Variants in ZFYVE16 observed in about 807,000 individuals in gnomAD.
ZFYVE16 encodes zinc finger FYVE-type containing 16, also known as zinc finger FYVE domain-containing protein 16.
In ZFYVE16, 89 loss-of-function variants were observed where a neutral mutation model predicts 138.1. The observed-to-expected ratio is 0.64, with a 90% CI of 0.54 to 0.77. ZFYVE16 has a LOEUF of 0.77. ZFYVE16 is among the 30% of genes least tolerant of loss of function. The probability of loss-of-function intolerance (pLI) is 0.00; values close to 1 mark genes in which losing one functional copy is unlikely to be tolerated. For synonymous variants in ZFYVE16, 596 were observed against 618.3 expected (o/e 0.96, Z 0.53); for missense variants, 1,793 against 1,786.7 (o/e 1.00, Z -0.06).
chr5:80,426,406 C>T (rs918785184), intron 1 of ZFYVE16, among the ~76,000 whole-genome samples: 38 of 151,826 alleles, frequency 2.5e-4, no homozygotes, highest in African/African-American at 9.0e-4. Flanking sequence ...AGATATTAAG[C>T]CCCACATGCA....
At chr5:80,456,027 G>A (rs1390493345) in intron 12 of ZFYVE16, 1 of 409,378 alleles carries the variant, frequency 2.4e-6, no homozygotes, top group Non-Finnish European at 4.3e-6. Flanking sequence ...TGCAGTTCTT[G>A]GATATTTAGG....
intron 14 of ZFYVE16, among the ~76,000 whole-genome samples, 199 bp from the exon 15 acceptor site, chr5:80,459,215 A>G (rs1159819036): frequency 6.6e-6 from 1 of 152,234 alleles, no homozygotes; most frequent in Non-Finnish European, 1.5e-5. Context: ...GGCATGAGCC[A>G]CCGCGCCCAG....
chr5:80,453,011 C>T (rs941215202), intron 11 of ZFYVE16, among the ~76,000 whole-genome samples: 2 of 152,082 alleles, frequency 1.3e-5, no homozygotes, highest in Non-Finnish European at 2.9e-5. Flanking sequence ...AAGTATATCA[C>T]GTCTAATGAA....
At position 80,433,798 on chromosome 5, in the gene ZFYVE16, T is replaced by C. The variant is rs148378570; in HGVS notation, c.-39-311T>C. On this transcript the variant is annotated intron_variant, in intron 2 of 18. Coordinates refer to ENST00000505560, the MANE Select transcript of ZFYVE16 (RefSeq NM_001284236.3). The stretch of plus-strand genomic sequence containing the variant: ...GCATTATTTTTATGCGTTTGTAGTT[T>C]GATATGTTGTATTTATAAGTAGTTT... Among the ~76,000 whole-genome samples, 5 of 152,336 alleles carry C rather than the reference T, an allele frequency of 3.3e-5. No homozygotes were observed. The East Asian group carries it at 9.6e-4, about 29-fold the overall frequency.
chr5:80,470,064 CGT>C (rs369109701), intron 15 of ZFYVE16, among the ~76,000 whole-genome samples: 2,092 of 59,436 alleles, frequency 0.035, 109 homozygotes, highest in Middle Eastern at 0.062. Context: ...TGTATATATA[CGT>C]GTGTGTGTGT....
At chr5:80,451,778 T>C in intron 11 of ZFYVE16, 69 bp downstream of exon 11, 1 of 1,403,200 alleles carries the variant, frequency 7.1e-7, no homozygotes, top group Non-Finnish European at 9.8e-7. Flanking sequence ...TTTCAGGGAA[T>C]CATTAAAATC....
At chr5:80,464,392 A>C (rs530472983) in intron 15 of ZFYVE16, among the ~76,000 whole-genome samples, 2 of 152,234 alleles carry the variant, frequency 1.3e-5, no homozygotes, top group African/African-American at 4.8e-5. Context: ...CAGATCTTGC[A>C]AGAACTGTCT....
chr5:80,430,259 C>T lies in ZFYVE16; in HGVS notation c.-40+2714C>T, dbSNP rs1748796792. On this transcript the variant is annotated intron_variant, in intron 2 of 18. Transcript: ENST00000505560. ...ACTGTCTCTCAGACCACAGTGCAAT[C>T]AAACTAGAACTCAGGATTCAGAAAC... Among the ~76,000 whole-genome samples, 5 of 152,068 alleles carry T rather than the reference C, an allele frequency of 3.3e-5. No individual in the cohort carries two copies. The South Asian group carries it at 1.0e-3, about 32-fold the overall frequency.
intron 2 of ZFYVE16, among the ~76,000 whole-genome samples, chr5:80,431,229 G>A (rs1748965524): frequency 6.6e-6 from 1 of 152,110 alleles, no homozygotes; most frequent in Non-Finnish European, 1.5e-5. Context: ...ACATCAAAAA[G>A]CTTATCCACC....
At position 80,482,818 on chromosome 5, in the gene ZFYVE16, T is replaced by C. The variant is rs1755318797; in HGVS notation, c.*5441T>C. The C allele has an allele frequency of 2.0e-5, 3 of 152,008 alleles. No homozygotes were observed. The highest frequency in any genetic ancestry group is 4.8e-5 in the African/African-American group (2 of 41,416). 9.4% of individuals were successfully genotyped at this position (152,008 alleles called of 1,614,324 possible). ...CACAGAATCCTTTATCCAGCAAATA[T>C]ATTCTTTAGGAAAGAAAATGAAATA... On this transcript the variant is annotated 3_prime_UTR_variant, in exon 19 of 19. Transcript: ENST00000505560.
intron 2 of ZFYVE16, among the ~76,000 whole-genome samples, chr5:80,431,949 G>A (rs1749094997): frequency 6.6e-6 from 1 of 152,136 alleles, no homozygotes; most frequent in Non-Finnish European, 1.5e-5. Context: ...ACAAACAAAT[G>A]GAAGAACATT....
intron 6 of ZFYVE16, among the ~76,000 whole-genome samples, 195 bp from the exon 7 acceptor site, chr5:80,445,068 G>A (rs532626878): frequency 2.0e-4 from 30 of 152,086 alleles, no homozygotes; most frequent in African/African-American, 7.0e-4. Flanking sequence ...CCCTTTGTAC[G>A]AATTAGATAG....
At chr5:80,470,143 C>T (rs1754221027) in intron 15 of ZFYVE16, among the ~76,000 whole-genome samples, 1 of 143,826 alleles carries the variant, frequency 7.0e-6, no homozygotes. Flanking sequence ...ACCCTTTCAC[C>T]CAGGCTGGAG....
chr5:80,451,694 G>A lies in ZFYVE16; in HGVS notation c.3592G>A (p.Gly1198Ser). ...TCCTATGCGTTTAATGTTGAGATTGGGTGCAGAATATAAAGGTAAGTTTTA... is the reference window on the plus strand; with the variant it reads ...TCCTATGCGTTTAATGTTGAGATTGAGTGCAGAATATAAAGGTAAGTTTTA... ...VFPMRLMLRL[G>S]AEYKAYPAPL... The change falls in exon 11 of 19, where the codon GGT (glycine) becomes AGT (serine). Residue 1198 changes from glycine (G) to serine (S), a missense_variant. Gly to Ser is a moderately conservative substitution (Grantham distance 56). This residue lies in a region of ZFYVE16 where 498 missense variants were observed against 582.4 expected (regional missense o/e 0.86). Transcript: ENST00000505560. 6.2e-7 allele frequency: 1 copy of A among 1,613,106 alleles called. No individual in the cohort carries two copies. The highest frequency in any genetic ancestry group is 8.5e-7 in the Non-Finnish European group (1 of 1,179,720).
intron 15 of ZFYVE16, among the ~76,000 whole-genome samples, chr5:80,467,209 G>A (rs1329823493): frequency 1.3e-5 from 2 of 152,200 alleles, no homozygotes; most frequent in Admixed American, 1.3e-4. Flanking sequence ...TACAATTGAG[G>A]CAAACAACAG....
At position 80,478,470 on chromosome 5, in the gene ZFYVE16, G is replaced by A. The variant is rs1038545380; in HGVS notation, c.*1093G>A. 1.3e-5 allele frequency: 2 copies of A among 151,970 alleles called. No individual in the cohort carries two copies. The highest frequency in any genetic ancestry group is 4.8e-5 in the African/African-American group (2 of 41,384). 9.4% of individuals were successfully genotyped at this position (151,970 alleles called of 1,614,324 possible). ...AGTTAAATCCTATGTATTTGAAATTGTTACAGAGCTTTCCTCTTTACTTCA... is the reference window on the plus strand; with the variant it reads ...AGTTAAATCCTATGTATTTGAAATTATTACAGAGCTTTCCTCTTTACTTCA... On this transcript the variant is annotated 3_prime_UTR_variant, in exon 19 of 19. Coordinates refer to ENST00000505560, the MANE Select transcript of ZFYVE16 (RefSeq NM_001284236.3).
chr5:80,410,714 G>A (rs1745302833), intron 1 of ZFYVE16, among the ~76,000 whole-genome samples: 1 of 151,812 alleles, frequency 6.6e-6, no homozygotes, highest in African/African-American at 2.4e-5. Context: ...GGGACTACAG[G>A]CACGCGCCCC....
chr5:80,430,235 C>G (rs1166443814), intron 2 of ZFYVE16, among the ~76,000 whole-genome samples: 1 of 152,106 alleles, frequency 6.6e-6, no homozygotes, highest in Non-Finnish European at 1.5e-5. Flanking sequence ...TTATAACAAA[C>G]TGTCTCTCAG....
At chr5:80,426,203 T>G (rs750872290) in intron 1 of ZFYVE16, among the ~76,000 whole-genome samples, 3 of 8,406 alleles carry the variant, frequency 3.6e-4, no homozygotes, top group Non-Finnish European at 2.4e-3. Context: ...GTGTGTGTGG[T>G]GTGTGTGTGT....
Sources: allele counts gnomAD v4.1 joint callset (sites outside exome capture counted in the v4.1 genomes callset), GRCh38; gene constraint gnomAD v4.1.1; regional missense constraint gnomAD v4.1.1; transcripts MANE v1.5; gene names NCBI Gene and HGNC (gene_info 2026-07-23, HGNC 2026-07-21).